NEB: variants seen among roughly 807,000 people sequenced by gnomAD.
The protein encoded by NEB is nebulin, also known as nemaline myopathy type 2.
NEB carries 512 observed loss-of-function variants against 952.2 expected under a neutral mutation model. That is an observed-to-expected ratio of 0.54 (90% CI 0.50 to 0.58). NEB has a LOEUF of 0.58. Among genes scored for constraint, NEB ranks in the 20% least tolerant of loss-of-function variants. The pLI is 0.00. For synonymous variants in NEB, 2,900 were observed against 3,149.8 expected, an observed-to-expected ratio of 0.92 and a Z score of 2.66; for missense variants, 8,428 against 9,231.1, an observed-to-expected ratio of 0.91 and a Z score of 3.56.
intron 48 of NEB, 91 bp downstream of exon 48, chr2:151,657,892 A>G: frequency 1.2e-6 from 1 of 858,762 alleles, no homozygotes; most frequent in South Asian, 1.6e-5. Context: ...TGTTTTTCAT[A>G]TTGTGTCCAC....
In NEB at chr2:151,498,290, T is replaced by G. The variant is rs1030563077; in HGVS notation, c.24177A>C (p.Arg8059Ser). Reference sequence around the variant, plus strand: ...TAAGGTTTTCTTGATTGTGTTTGACTCTCTGCATCTCAGGAGTGATGGGGA... The same window carrying G: ...TAAGGTTTTCTTGATTGTGTTTGACGCTCTGCATCTCAGGAGTGATGGGGA... ...IPIPITPEMQRVKHNQENLSS... is the reference protein window; with the variant it reads ...IPIPITPEMQSVKHNQENLSS... The change falls in exon 170 of 182, where the codon AGA becomes AGC. Residue 8059 changes from arginine to serine, a missense_variant. Around this residue, in one of 11 missense-constraint regions of NEB, gnomAD observed 3,374 missense variants for 3,651.5 expected, o/e 0.92. Transcript: ENST00000397345. 1 of 1,551,458 alleles carries G rather than the reference T, an allele frequency of 6.4e-7. No homozygotes were observed. The highest frequency in any genetic ancestry group is 8.7e-7 in the Non-Finnish European group (1 of 1,146,878).
chr2:151,612,048 GA>G, intron 78 of NEB, 137 bp downstream of exon 78: 1 of 847,342 alleles, frequency 1.2e-6, no homozygotes, highest in Non-Finnish European at 1.8e-6. Context: ...AATTCAAGCA[GA>G]TGCTCTGTTA....
intron 173 of NEB, chr2:151,495,472 C>A (rs540891759): frequency 3.2e-5 from 4 of 123,084 alleles, no homozygotes; most frequent in Non-Finnish European, 7.3e-5. Flanking sequence ...TTTAGAAGCA[C>A]TGTACTCAAG....
chr2:151,707,294 G>C (rs1053479285), intron 12 of NEB, among the ~76,000 whole-genome samples: 3 of 152,180 alleles, frequency 2.0e-5, no homozygotes, highest in Admixed American at 6.5e-5. Context: ...CCCTCAAAGA[G>C]AGAGATACAG....
intron 13 of NEB, among the ~76,000 whole-genome samples, chr2:151,705,220 T>C (rs2099700275): frequency 6.6e-6 from 1 of 152,192 alleles, no homozygotes; most frequent in Admixed American, 6.5e-5. Flanking sequence ...TAACTCTTCT[T>C]CTCTGCCAGG....
intron 168 of NEB, 139 bp downstream of exon 168, chr2:151,501,252 A>G (rs895235990): frequency 5.4e-6 from 3 of 552,852 alleles, no homozygotes; most frequent in Non-Finnish European, 9.7e-6. Flanking sequence ...GGAGATCTGG[A>G]AAACAGAAGG....
Position 151,514,226 on chromosome 2 carries a change from C to T in NEB, c.23127+92G>A, listed in dbSNP as rs1427099169. On this transcript the variant is annotated intron_variant, in intron 159 of 181. Coordinates refer to ENST00000397345, the MANE Select transcript of NEB (RefSeq NM_001164508.2). ...ATGAAAAGCTCTGTTTTTCTCTGTT[C>T]TCTGTTTTTGTTTTGCTTTTTCTGG... 3.6e-6 allele frequency: 3 copies of T among 830,864 alleles called. No individual in the cohort carries two copies. The African/African-American group carries it at 5.1e-5, about 14-fold the overall frequency. 51.5% of individuals were successfully genotyped at this position (830,864 alleles called of 1,614,324 possible). A position where few individuals can be genotyped will look rare whatever the true frequency, so the allele number is the denominator to read the frequency against.
At chr2:151,644,657 T>C in intron 55 of NEB, 82 bp from the exon 56 acceptor site, 1 of 1,199,776 alleles carries the variant, frequency 8.3e-7, no homozygotes, top group Non-Finnish European at 1.2e-6. Context: ...GCTAAATATT[T>C]TGAGTCCATG....
Position 151,497,052 on chromosome 2 carries a change from A to G in NEB, c.24301-19T>C, listed in dbSNP as rs940899832. ...ATAACACCTGTGCGATAAGAAAGCA[A>G]CCAGAAAAACAACCATGAGTAACAT... On this transcript the variant is annotated intron_variant, in intron 171 of 181. Transcript: ENST00000397345. 1.2e-5 allele frequency: 19 copies of G among 1,552,646 alleles called. No individual in the cohort carries two copies. The highest frequency in any genetic ancestry group is 1.7e-5 in the Non-Finnish European group (19 of 1,145,974).
chr2:151,523,464 A>C (rs1285119445), intron 153 of NEB, among the ~76,000 whole-genome samples: 1 of 152,198 alleles, frequency 6.6e-6, no homozygotes, highest in Non-Finnish European at 1.5e-5. Flanking sequence ...TATTTCTTCA[A>C]ACAGATACCT....
At chr2:151,698,984 G>A (rs1438084583) in intron 13 of NEB, among the ~76,000 whole-genome samples, 3 of 137,450 alleles carry the variant, frequency 2.2e-5, no homozygotes, top group Non-Finnish European at 4.7e-5. Flanking sequence ...TCGTCATCTA[G>A]CATTAGGTAT....
rs774440917 is a variant in NEB, at chr2:151,506,176, T to C, written c.23639A>G (p.His7880Arg). 5 of 1,610,936 alleles carry C rather than the reference T, an allele frequency of 3.1e-6. No individual in the cohort carries two copies. Among genetic ancestry groups the C allele is most frequent in the Admixed American group, 3.3e-5 (2 of 60,010 alleles). ...TCACTGTGTCTTTACCGAGCTAATGTGGTCCTGTGTTTGTTTCACTCTCAT... is the reference window on the plus strand; with the variant it reads ...TCACTGTGTCTTTACCGAGCTAATGCGGTCCTGTGTTTGTTTCACTCTCAT... ...EMMRVKQTQD[H>R]ISSVKYKEAI... Residue 7880 changes from histidine (H) to arginine (R), a missense_variant, in exon 164 of 182, where the codon CAC becomes CGC. Physicochemically the swap from His to Arg is conservative, Grantham distance 29. This residue lies in a region of NEB where 3,374 missense variants were observed against 3,651.5 expected (regional missense o/e 0.92). Transcript: ENST00000397345.
intron 46 of NEB, among the ~76,000 whole-genome samples, 184 bp from the exon 47 acceptor site, chr2:151,659,353 G>A: frequency 6.6e-6 from 1 of 152,024 alleles, no homozygotes; most frequent in East Asian, 1.9e-4. Context: ...CTGGAGTGCA[G>A]TAGTGCAATT....
intron 54 of NEB, 43 bp from the exon 55 acceptor site, chr2:151,646,277 A>G (rs376798329): frequency 7.3e-7 from 1 of 1,373,506 alleles, no homozygotes; most frequent in Non-Finnish European, 1.0e-6. Context: ...TTGTTAGATT[A>G]GTGAATGATA....
intron 35 of NEB, among the ~76,000 whole-genome samples, chr2:151,674,927 G>A (rs138787956): frequency 6.6e-6 from 1 of 152,294 alleles, no homozygotes; most frequent in East Asian, 1.9e-4. Context: ...AGAAGACCTG[G>A]TGGTCAGCTT....
intron 62 of NEB, among the ~76,000 whole-genome samples, chr2:151,639,615 T>A (rs564530918): frequency 6.6e-6 from 1 of 152,318 alleles, no homozygotes; most frequent in East Asian, 1.9e-4. Flanking sequence ...AATAAGCATA[T>A]TTTATGCAGA....
At chr2:151,493,323 G>C (rs2152849039) in intron 176 of NEB, 30 bp downstream of exon 176, 1 of 1,480,822 alleles carries the variant, frequency 6.8e-7, no homozygotes, top group African/African-American at 1.4e-5. Context: ...CCAAGTTGTT[G>C]CACTATTTCT....
At chr2:151,644,173 T>C in intron 56 of NEB, 44 bp from the exon 57 acceptor site, 1 of 1,595,426 alleles carries the variant, frequency 6.3e-7, no homozygotes, top group South Asian at 1.1e-5. Flanking sequence ...AATTTACTTC[T>C]GTTGCCATCT....
intron 107 of NEB, 140 bp downstream of exon 107, chr2:151,575,555 A>C: frequency 1.6e-6 from 1 of 631,154 alleles, no homozygotes; most frequent in Non-Finnish European, 2.8e-6. Flanking sequence ...CCTCACTCCT[A>C]GTCAAGGGGT....
Sources: allele counts gnomAD v4.1 joint callset (sites outside exome capture counted in the v4.1 genomes callset), GRCh38; gene constraint gnomAD v4.1.1; regional missense constraint gnomAD v4.1.1; transcripts MANE v1.5; gene names NCBI Gene and HGNC (gene_info 2026-07-23, HGNC 2026-07-21).